Variants in FBLN5 observed in about 807,000 individuals in gnomAD.
The protein encoded by FBLN5 is fibulin 5.
In FBLN5, 24 loss-of-function variants were observed where a neutral mutation model predicts 61.6. The observed-to-expected ratio is 0.39, with a 90% CI of 0.28 to 0.55. The LOEUF is 0.55. Among genes scored for constraint, FBLN5 ranks in the 20% least tolerant of loss-of-function variants. FBLN5 has a pLI of 0.65. For missense variants in FBLN5, 470 were observed against 594.1 expected, an observed-to-expected ratio of 0.79 and a Z score of 2.17; for synonymous variants, 213 against 219.8, an observed-to-expected ratio of 0.97 and a Z score of 0.27.
At position 91,870,455 on chromosome 14, in the gene FBLN5, C is replaced by T; in HGVS notation, c.1186-70G>A. 5 of 1,491,120 alleles carry T rather than the reference C, an allele frequency of 3.4e-6. No homozygotes were observed. In the South Asian group the frequency reaches 4.5e-5, roughly 13 times the overall value. The allele number at this position is 1,491,120 out of a possible 1,614,324, so 92.4% of individuals were successfully genotyped here. ...GTGGCCCTGCAGCCCCACCTGGGCG[C>T]TCCCTTGCCTCCGTCAGTCAAACTG... On this transcript the variant is annotated intron_variant, in intron 10 of 10. Transcript: ENST00000342058.
intron 4 of FBLN5, among the ~76,000 whole-genome samples, chr14:91,900,544 AG>A (rs1428084003): frequency 6.6e-6 from 1 of 152,210 alleles, no homozygotes; most frequent in Non-Finnish European, 1.5e-5. Flanking sequence ...CAAGCACCAA[AG>A]TTTAAAAGAA....
In FBLN5 at chr14:91,877,564, C is replaced by T; in HGVS notation, c.1108G>A (p.Ala370Thr). 6.2e-7 allele frequency: 1 copy of T among 1,614,156 alleles called. No homozygotes were observed. The highest frequency in any genetic ancestry group is 1.3e-5 in the African/African-American group (1 of 75,048). ...TAGGCCCCAGGGTAGCGGGTCGTGG[C>T]TTGCATTTGGAAGATGTCAGCGGGA... ...SVPADIFQMQATTRYPGAYYI... is the reference protein window; with the variant it reads ...SVPADIFQMQTTTRYPGAYYI... The change falls in exon 10 of 11, where the codon GCC becomes ACC. Residue 370 changes from alanine to threonine, a missense_variant. Transcript: ENST00000342058.
At chr14:91,938,749 G>A (rs1306195503) in intron 3 of FBLN5, among the ~76,000 whole-genome samples, 4 of 152,288 alleles carry the variant, frequency 2.6e-5, no homozygotes, top group Middle Eastern at 3.4e-3. Context: ...TGCTCTGTGC[G>A]GGGCTAGAGA....
intron 4 of FBLN5, among the ~76,000 whole-genome samples, chr14:91,922,860 C>G (rs1271834247): frequency 6.6e-6 from 1 of 152,158 alleles, no homozygotes; most frequent in Non-Finnish European, 1.5e-5. Context: ...TTTCATCCAT[C>G]CACTGATGCC....
intron 9 of FBLN5, 149 bp downstream of exon 9, chr14:91,881,143 A>T (rs1358930396): frequency 2.7e-6 from 2 of 754,526 alleles, no homozygotes; most frequent in Middle Eastern, 3.5e-4. Context: ...ACACACACAC[A>T]CACACACACA....
At chr14:91,876,415 GC>G (rs1595292209) in intron 10 of FBLN5, among the ~76,000 whole-genome samples, 1 of 152,154 alleles carries the variant, frequency 6.6e-6, no homozygotes, top group African/African-American at 2.4e-5. Flanking sequence ...CTGGGTAGTA[GC>G]CCCCAAAAAG....
chr14:91,918,275 C>G (rs1891277517), intron 4 of FBLN5, among the ~76,000 whole-genome samples: 2 of 152,218 alleles, frequency 1.3e-5, no homozygotes. Flanking sequence ...GCTGTTTCTG[C>G]ATAGTCAGGC....
intron 1 of FBLN5, among the ~76,000 whole-genome samples, chr14:91,946,282 TA>T (rs11365622): frequency 0.51 from 75,499 of 148,414 alleles, 19,490 homozygotes; most frequent in African/African-American, 0.63. Context: ...ACCTTGTGAT[TA>T]AAAAAAAAAA....
rs891329892 is a variant in FBLN5, at chr14:91,872,863, G to A, written c.1186-2478C>T. Among the ~76,000 whole-genome samples the A allele has an allele frequency of 9.2e-5, 14 of 152,190 alleles. No homozygotes were observed. In the East Asian group the frequency reaches 2.1e-3, roughly 23 times the overall value. ...CAAATATCTCACCAGCTTTCACTGCGTGAACAAAGACCAAGAGTTGAGAAC... is the reference window on the plus strand; with the variant it reads ...CAAATATCTCACCAGCTTTCACTGCATGAACAAAGACCAAGAGTTGAGAAC... On this transcript the variant is annotated intron_variant, in intron 10 of 10. Coordinates refer to ENST00000342058, the MANE Select transcript of FBLN5 (RefSeq NM_006329.4).
At chr14:91,903,967 T>C (rs1374106301) in intron 4 of FBLN5, among the ~76,000 whole-genome samples, 3 of 152,092 alleles carry the variant, frequency 2.0e-5, no homozygotes, top group African/African-American at 4.8e-5. Flanking sequence ...AACACAAAAA[T>C]GGCAAGTTTA....
intron 4 of FBLN5, among the ~76,000 whole-genome samples, chr14:91,926,639 C>T (rs1430822629): frequency 6.6e-6 from 1 of 152,154 alleles, no homozygotes; most frequent in Admixed American, 6.5e-5. Context: ...GCTCCTTCCA[C>T]ATACTTCCCC....
chr14:91,914,813 G>T (rs1439777378), intron 4 of FBLN5, among the ~76,000 whole-genome samples: 8 of 145,134 alleles, frequency 5.5e-5, no homozygotes, highest in Non-Finnish European at 7.6e-5. Flanking sequence ...TATCTGTGTG[G>T]TTTTTTTTTT....
chr14:91,908,479 T>C (rs1890776388), intron 4 of FBLN5, among the ~76,000 whole-genome samples: 1 of 152,196 alleles, frequency 6.6e-6, no homozygotes, highest in Non-Finnish European at 1.5e-5. Flanking sequence ...TCAGCATGAA[T>C]GAGTCAGGAT....
At chr14:91,915,411 C>G (rs990629481) in intron 4 of FBLN5, among the ~76,000 whole-genome samples, 2 of 151,880 alleles carry the variant, frequency 1.3e-5, no homozygotes, top group East Asian at 3.9e-4. Flanking sequence ...AGCGGCCAAG[C>G]ACGGTGGCTC....
At chr14:91,903,163 G>T (rs1356887494) in intron 4 of FBLN5, among the ~76,000 whole-genome samples, 1 of 152,142 alleles carries the variant, frequency 6.6e-6, no homozygotes, top group Non-Finnish European at 1.5e-5. Context: ...GATAAAGCCT[G>T]CTGGTTATAA....
intron 5 of FBLN5, among the ~76,000 whole-genome samples, chr14:91,893,867 A>G (rs890410734): frequency 3.3e-5 from 5 of 152,240 alleles, no homozygotes; most frequent in Non-Finnish European, 7.3e-5. Context: ...GGGGAAGGGC[A>G]AAGACAGGGT....
chr14:91,947,589 A>G lies in FBLN5; in HGVS notation c.-360T>C, dbSNP rs957495300. The G allele has an allele frequency of 5.5e-5, 20 of 362,444 alleles. No individual in the cohort carries two copies. The highest frequency in any genetic ancestry group is 4.1e-4 in the African/African-American group (20 of 48,546). 22.5% of individuals were successfully genotyped at this position (362,444 alleles called of 1,614,324 possible). A position where few individuals can be genotyped will look rare whatever the true frequency, so the allele number is the denominator to read the frequency against. On this transcript the variant is annotated 5_prime_UTR_variant, in exon 1 of 11. Coordinates refer to ENST00000342058, the MANE Select transcript of FBLN5 (RefSeq NM_006329.4). The surrounding 1 kb of genome is among the most constrained non-coding windows in gnomAD (Gnocchi z 4.3). ...AGATTACAGCGCTCACCAACTGGCT[A>G]GACTCCTCACAACAATCTTGGGGCG...
At chr14:91,879,865 C>T (rs1301961686) in intron 9 of FBLN5, among the ~76,000 whole-genome samples, 1 of 152,158 alleles carries the variant, frequency 6.6e-6, no homozygotes, top group Non-Finnish European at 1.5e-5. Context: ...TCTGATTCAT[C>T]CTTTCGTCTC....
chr14:91,919,339 GAA>G (rs145952331), intron 4 of FBLN5, among the ~76,000 whole-genome samples: 2 of 76,240 alleles, frequency 2.6e-5, no homozygotes, highest in African/African-American at 9.4e-5. Flanking sequence ...TCAAAAAAAA[GAA>G]AAAAAAAAAG....
Sources: gnomAD v4.1 joint callset for allele counts (sites outside exome capture counted in the v4.1 genomes callset) on GRCh38, gnomAD v4.1.1 for gene constraint, Gnocchi (gnomAD v3.1) non-coding constraint, MANE v1.5 for transcripts, NCBI Gene and HGNC (gene_info 2026-07-23, HGNC 2026-07-21) for gene names.